CAPS2: variants seen among roughly 807,000 people sequenced by gnomAD.
CAPS2 encodes the protein calcyphosine 2.
In CAPS2, 98 loss-of-function variants were observed where a neutral mutation model predicts 86.5. The ratio of observed to expected loss-of-function variants is 1.13; its 90% CI spans 0.96 to 1.34. The LOEUF is 1.34. Among genes scored for constraint, CAPS2 ranks in the 40% most tolerant of loss-of-function variants. The pLI, the probability that CAPS2 is intolerant of heterozygous loss-of-function variation, is 0.00. For missense variants in CAPS2, 729 were observed against 686.8 expected (o/e 1.06, Z -0.69); for synonymous variants, 210 against 225.1 (o/e 0.93, Z 0.60).
chr12:75,352,319 A>G (rs965479558), intron 1 of CAPS2, among the ~76,000 whole-genome samples: 2 of 152,270 alleles, frequency 1.3e-5, no homozygotes, highest in Admixed American at 6.5e-5. Flanking sequence ...TTTACCAAGC[A>G]AATGGAAAAC....
At chr12:75,316,579 T>G in intron 5 of CAPS2, 145 bp from the exon 6 acceptor site, 1 of 781,600 alleles carries the variant, frequency 1.3e-6, no homozygotes, top group Non-Finnish European at 1.8e-6. Context: ...TCAGATTGCT[T>G]ATATTTGAAT....
chr12:75,278,926 G>A (rs1303218392), exon 17 of CAPS2: 2 of 1,599,120 alleles, frequency 1.3e-6, no homozygotes, highest in African/African-American at 2.7e-5. Context: ...TGTTAACAAA[G>A]TCTTCATCAT....
intron 1 of CAPS2, among the ~76,000 whole-genome samples, chr12:75,376,039 T>C (rs1190833968): frequency 6.6e-6 from 1 of 152,144 alleles, no homozygotes; most frequent in Non-Finnish European, 1.5e-5. Context: ...TTGGAATGAG[T>C]AAGTCTAAAG....
Position 75,282,341 on chromosome 12 carries a change from T to C in CAPS2, c.1522A>G (p.Met508Val), listed in dbSNP as rs748060593. Residue 508 changes from methionine (M) to valine (V), a missense_variant, in exon 16 of 17, where the codon ATG (methionine) becomes GTG (valine). Physicochemically the swap from Met to Val is conservative, Grantham distance 21. Coordinates refer to ENST00000393284, the Ensembl canonical transcript of CAPS2. ...CCACTTTTGTTGAAATCCAGTTTCA[T>C]AAAGGCCTAAACAGACAAATATTAT... 9.5e-6 allele frequency: 15 copies of C among 1,582,436 alleles called. 1 individual carries two copies. The South Asian group carries it at 1.7e-4, about 18-fold the overall frequency.
chr12:75,375,503 T>C (rs2044604025), intron 1 of CAPS2, among the ~76,000 whole-genome samples: 1 of 152,170 alleles, frequency 6.6e-6, no homozygotes, highest in Non-Finnish European at 1.5e-5. Flanking sequence ...TTTGGTAGTA[T>C]AGTGGGGTCC....
chr12:75,369,871 A>G (rs1303135905), intron 1 of CAPS2: 6 of 1,330,860 alleles, frequency 4.5e-6, no homozygotes, highest in African/African-American at 1.5e-5. Flanking sequence ...TTGTTAGTTG[A>G]TTGTCTTATT....
chr12:75,375,186 G>A lies in CAPS2; in HGVS notation c.-395+15652C>T, dbSNP rs529330371. 1.8e-4 allele frequency among the ~76,000 whole-genome samples: 27 copies of A among 152,310 alleles called. 1 individual carries two copies. The highest frequency in any genetic ancestry group is 6.2e-4 in the South Asian group (3 of 4,830). On this transcript the variant is annotated intron_variant, in intron 1 of 5. Coordinates refer to the CAPS2 transcript ENST00000551829. ...GGGGATTCTGCCAGCTGCTAAGTAT[G>A]TCTATGCCTATTACGCATTCTGGCA...
At chr12:75,315,534 A>G (rs1385241434) in intron 6 of CAPS2, among the ~76,000 whole-genome samples, 1 of 152,206 alleles carries the variant, frequency 6.6e-6, no homozygotes, top group African/African-American at 2.4e-5. Flanking sequence ...AATTCAGAAC[A>G]TAATTGATTC....
At chr12:75,301,161 T>C (rs1051601780) in intron 8 of CAPS2, among the ~76,000 whole-genome samples, 5 of 152,198 alleles carry the variant, frequency 3.3e-5, no homozygotes, top group Non-Finnish European at 7.3e-5. Context: ...CTAAATGATA[T>C]ATTTCTCCTT....
chr12:75,324,640 T>G (rs2040600177), intron 2 of CAPS2, among the ~76,000 whole-genome samples: 2 of 152,074 alleles, frequency 1.3e-5, no homozygotes, highest in African/African-American at 4.8e-5. Context: ...ATTTTGATCT[T>G]CAGAAATGTC....
chr12:75,285,926 T>C (rs1013915369), intron 14 of CAPS2, among the ~76,000 whole-genome samples: 1 of 152,018 alleles, frequency 6.6e-6, no homozygotes, highest in Non-Finnish European at 1.5e-5. Context: ...AAAGGTATAA[T>C]TTGGAATAAA....
intron 1 of CAPS2, among the ~76,000 whole-genome samples, chr12:75,361,888 C>T (rs1480209402): frequency 6.6e-6 from 1 of 152,026 alleles, no homozygotes; most frequent in East Asian, 1.9e-4. Flanking sequence ...AGAGCCAAAC[C>T]ATATCAATAG....
At chr12:75,355,253 A>G (rs2043077270) in intron 1 of CAPS2, among the ~76,000 whole-genome samples, 1 of 152,218 alleles carries the variant, frequency 6.6e-6, no homozygotes, top group South Asian at 2.1e-4. Flanking sequence ...TAATATCCAG[A>G]ATCTACAAGG....
At chr12:75,309,366 A>G (rs1295503436) in intron 7 of CAPS2, among the ~76,000 whole-genome samples, 1 of 152,200 alleles carries the variant, frequency 6.6e-6, no homozygotes, top group African/African-American at 2.4e-5. Context: ...TTCTTTGTTC[A>G]GGACACCAAG....
intron 1 of CAPS2, among the ~76,000 whole-genome samples, chr12:75,358,671 T>A (rs2043315749): frequency 6.7e-6 from 1 of 148,428 alleles, no homozygotes; most frequent in Admixed American, 6.8e-5. Context: ...CATACACATT[T>A]TGTTACATAT....
intron 1 of CAPS2, among the ~76,000 whole-genome samples, chr12:75,348,311 T>C (rs2042585619): frequency 6.6e-6 from 1 of 151,962 alleles, no homozygotes; most frequent in African/African-American, 2.4e-5. Flanking sequence ...GTAGAAAAGA[T>C]AAAAACAAAG....
At position 75,278,213 on chromosome 12, in the gene CAPS2, C is replaced by G. The variant is rs925276670; in HGVS notation, c.*677G>C. On this transcript the variant is annotated 3_prime_UTR_variant, in exon 17 of 17. Transcript: ENST00000393284. The stretch of plus-strand genomic sequence containing the variant: ...CAAATACAACTGGGCATTAGAATAA[C>G]TACATTGTGCTCTATTTAACCAACA... 5 of 981,306 alleles carry G rather than the reference C, an allele frequency of 5.1e-6. No individual in the cohort carries two copies. The African/African-American group carries it at 8.8e-5, about 17-fold the overall frequency. 60.8% of individuals were successfully genotyped at this position (981,306 alleles called of 1,614,324 possible).
intron 14 of CAPS2, 81 bp downstream of exon 14, chr12:75,289,540 C>G (rs894549165): frequency 3.1e-6 from 4 of 1,285,090 alleles, no homozygotes; most frequent in Non-Finnish European, 4.3e-6. Flanking sequence ...TAAATGAAAA[C>G]TAAAATTTCA....
chr12:75,308,082 A>C (rs778987401), intron 7 of CAPS2, among the ~76,000 whole-genome samples: 23 of 152,202 alleles, frequency 1.5e-4, no homozygotes, highest in Non-Finnish European at 2.9e-4. Flanking sequence ...AAGACCAATC[A>C]GGATGGTTGT....
Sources: allele counts gnomAD v4.1 joint callset (sites outside exome capture counted in the v4.1 genomes callset), GRCh38; gene constraint gnomAD v4.1.1; transcripts MANE v1.5; gene names NCBI Gene and HGNC (gene_info 2026-07-23, HGNC 2026-07-21).